FAM186B: variants seen among roughly 807,000 people sequenced by gnomAD.
The protein encoded by FAM186B is family with sequence similarity 186 member B, also known as protein FAM186B.
A neutral mutation model predicts 83.4 loss-of-function variants in FAM186B; 68 were observed. That is an observed-to-expected ratio of 0.81 (90% CI 0.67 to 1.00). The LOEUF is 1.00. Among genes scored for constraint, FAM186B ranks in the 50% least tolerant of loss-of-function variants. FAM186B has a pLI of 0.00. For missense variants in FAM186B, 983 were observed against 1,099.2 expected (o/e 0.89, Z 1.49); for synonymous variants, 389 against 422.0 (o/e 0.92, Z 0.96).
At chr12:49,584,434 T>C (rs370928199), downstream of FAM186B, 1,678 of 695,270 alleles carry the variant, frequency 2.4e-3, 23 homozygotes, top group South Asian at 0.012. Context: ...AAGTTCTCTG[T>C]GGGTTTCCGT....
At chr12:49,610,659 G>A in the FAM186B span, among the ~76,000 whole-genome samples, 5 of 151,954 alleles carry the variant, frequency 3.3e-5, no homozygotes, top group Non-Finnish European at 5.9e-5. Context: ...ACACGGTCGT[G>A]GGCGCCTGTA....
chr12:49,620,546 A>G, the FAM186B span, among the ~76,000 whole-genome samples: 2 of 152,200 alleles, frequency 1.3e-5, no homozygotes, highest in Admixed American at 6.5e-5. Flanking sequence ...TATAACTTGT[A>G]AAACCTCCCA....
At chr12:49,603,060 A>G (rs1276614323) in intron 3 of FAM186B, 125 bp downstream of exon 3, 4 of 1,032,362 alleles carry the variant, frequency 3.9e-6, no homozygotes, top group Non-Finnish European at 5.9e-6. Flanking sequence ...CTGCCCATCC[A>G]TCTCAAATCA....
rs565948864 is a variant in FAM186B at position 49,587,672 on chromosome 12, G to T, written c.2615C>A (p.Ala872Asp). The T allele has an allele frequency of 1.2e-6, 2 of 1,613,640 alleles. No individual in the cohort carries two copies. The highest frequency in any genetic ancestry group is 2.2e-5 in the South Asian group (2 of 91,084). ...SSYAIEKKTP[A>D]SLPRDQLRGH... Reference sequence around the variant, plus strand: ...CCTCAGCTGGTCCCGGGGAAGGCTGGCAGGGGTCTTTTTTTCTATTGCGTA... The same window carrying T: ...CCTCAGCTGGTCCCGGGGAAGGCTGTCAGGGGTCTTTTTTTCTATTGCGTA... The change falls in exon 7 of 7, where the codon GCC (alanine) becomes GAC (aspartate). Residue 872 changes from alanine to aspartate, a missense_variant. Ala to Asp is a moderately radical substitution (Grantham distance 126). Coordinates refer to ENST00000257894, the MANE Select transcript of FAM186B (RefSeq NM_032130.3).
upstream of FAM186B, among the ~76,000 whole-genome samples, chr12:49,607,514 G>T (rs1286246777): frequency 6.6e-6 from 1 of 151,860 alleles, no homozygotes; most frequent in African/African-American, 2.4e-5. Flanking sequence ...ATCTACTAAA[G>T]AAATTGGATT....
chr12:49,600,968 C>T lies in FAM186B; in HGVS notation c.672G>A (p.Met224Ile), dbSNP rs374090409. The T allele has an allele frequency of 5.6e-6, 9 of 1,614,110 alleles. No homozygotes were observed. Among genetic ancestry groups the T allele is most frequent in the Non-Finnish European group, 6.8e-6 (8 of 1,179,990 alleles). The change falls in exon 4 of 7, where the codon ATG becomes ATA. Residue 224 changes from methionine to isoleucine, a missense_variant. Coordinates refer to ENST00000257894, the MANE Select transcript of FAM186B (RefSeq NM_032130.3). The surrounding 1 kb of genome is among the most constrained non-coding windows in gnomAD (Gnocchi z 4.3). ...SMLQELLDST[M>I]FSKGEVRAIR... ...TGGCCCTGACCTCCCCCTTGCTGAA[C>T]ATGGTAGAGTCCAGGAGCTCCTGCA...
rs778057965 is a variant in FAM186B, at chr12:49,601,001, C to A, written c.639G>T (p.Thr213=). The A allele has an allele frequency of 2.0e-5, 32 of 1,614,172 alleles. No homozygotes were observed. The highest frequency in any genetic ancestry group is 2.6e-5 in the Non-Finnish European group (31 of 1,180,016). The change falls in exon 4 of 7, where the codon ACG becomes ACT. Residue 213 remains threonine (T), a synonymous_variant. Coordinates refer to ENST00000257894, the MANE Select transcript of FAM186B (RefSeq NM_032130.3). ...AGTCCAGGAGCTCCTGCAGCATGGACGTCACCTCCGAGGCCTTCGTGTTCA... is the reference window on the plus strand; with the variant it reads ...AGTCCAGGAGCTCCTGCAGCATGGAAGTCACCTCCGAGGCCTTCGTGTTCA... ...HTMNTKASEV[T]SMLQELLDST...
At chr12:49,599,231 GAGGAAAAGC>G (rs1939804769) in intron 4 of FAM186B, among the ~76,000 whole-genome samples, 1 of 152,046 alleles carries the variant, frequency 6.6e-6, no homozygotes, top group East Asian at 1.9e-4. Flanking sequence ...AAGTTGCTTA[GAGGAAAAGC>G]CCACTACAGG....
At position 49,600,566 on chromosome 12, in the gene FAM186B, T is replaced by C. The variant is rs1045758382; in HGVS notation, c.1074A>G (p.Gln358=). The change falls in exon 4 of 7, where the codon CAA becomes CAG. Residue 358 remains glutamine, a synonymous_variant. Coordinates refer to ENST00000257894, the MANE Select transcript of FAM186B (RefSeq NM_032130.3). This position sits in a 1 kb window ranked among gnomAD's most constrained non-coding sequence, Gnocchi z 4.3. ...PRKETVMEES[Q]QEPMKEEQLF... Reference sequence around the variant, plus strand: ...ACTGCTCCTCCTTCATCGGTTCCTGTTGGCTTTCCTCCATGACTGTTTCTT... The same window carrying C: ...ACTGCTCCTCCTTCATCGGTTCCTGCTGGCTTTCCTCCATGACTGTTTCTT... 2 of 1,613,544 alleles carry C rather than the reference T, an allele frequency of 1.2e-6. No individual in the cohort carries two copies. Among genetic ancestry groups the C allele is most frequent in the Non-Finnish European group, 1.7e-6 (2 of 1,179,756 alleles).
Position 49,598,824 on chromosome 12 carries a change from C to A in FAM186B, c.2295G>T (p.Thr765=). ...TCTCCTCCAGCCCCTTCTGCTTGTC[C>A]GTCCAGGCCTGCAGCCTGAGACTCT... is the stretch of plus-strand genomic sequence containing the variant. ...RLQSLRLQAW[T]DKQKGLEEKH... The change falls in exon 5 of 7, where the codon ACG becomes ACT. Residue 765 remains threonine (T), a synonymous_variant. Coordinates refer to ENST00000257894, the MANE Select transcript of FAM186B (RefSeq NM_032130.3). The A allele has an allele frequency of 6.2e-7, 1 of 1,613,082 alleles. No individual in the cohort carries two copies. Among genetic ancestry groups the A allele is most frequent in the Admixed American group, 1.7e-5 (1 of 59,892 alleles).
At chr12:49,594,375 G>C (rs1939662442) in intron 5 of FAM186B, 1 of 156,110 alleles carries the variant, frequency 6.4e-6, no homozygotes, top group African/African-American at 2.4e-5. Context: ...ATCCTTGGGG[G>C]ATACATTTCA....
upstream of FAM186B, among the ~76,000 whole-genome samples, chr12:49,609,890 C>T (rs543963677): frequency 8.5e-5 from 13 of 152,306 alleles, no homozygotes; most frequent in African/African-American, 2.6e-4. Context: ...CTGTGCATTC[C>T]ATGGATCAGC....
chr12:49,596,065 C>G (rs1939714824), intron 5 of FAM186B, among the ~76,000 whole-genome samples: 1 of 152,182 alleles, frequency 6.6e-6, no homozygotes, highest in African/African-American at 2.4e-5. Context: ...GGAATCCATT[C>G]TCACTGTGTT....
chr12:49,600,611 C>G lies in FAM186B; in HGVS notation c.1029G>C (p.Glu343Asp). 1.2e-6 allele frequency: 2 copies of G among 1,612,780 alleles called. No individual in the cohort carries two copies. The highest frequency in any genetic ancestry group is 1.7e-6 in the Non-Finnish European group (2 of 1,179,246). ...EVSVDSPGPS[E>D]RETLPRKETV... The stretch of plus-strand genomic sequence containing the variant: ...TTTCTTTCCTTGGGAGGGTCTCTCT[C>G]TCAGAGGGACCTGGGGAGTCAACAG... The change falls in exon 4 of 7, where the codon GAG (glutamate) becomes GAC (aspartate). Residue 343 changes from glutamate (E) to aspartate (D), a missense_variant. Physicochemically the swap from Glu to Asp is conservative, Grantham distance 45. Coordinates refer to ENST00000257894, the MANE Select transcript of FAM186B (RefSeq NM_032130.3). The surrounding 1 kb of genome is among the most constrained non-coding windows in gnomAD (Gnocchi z 4.3).
chr12:49,604,081 T>G, intron 2 of FAM186B: 1 of 538,944 alleles, frequency 1.9e-6, no homozygotes, highest in Non-Finnish European at 3.3e-6. Context: ...TGCACAAAAA[T>G]GAGATGTCAT....
intron 5 of FAM186B, 58 bp from the exon 6 acceptor site, chr12:49,588,681 G>A (rs567233121): frequency 2.7e-5 from 41 of 1,505,612 alleles, no homozygotes; most frequent in Admixed American, 1.2e-4. Flanking sequence ...TCTCTAGGTC[G>A]TGAGGAGGCT....
intron 5 of FAM186B, among the ~76,000 whole-genome samples, chr12:49,598,295 C>T (rs1282933570): frequency 1.3e-5 from 2 of 152,042 alleles, no homozygotes; most frequent in Admixed American, 1.3e-4. Flanking sequence ...TCTAGAAAGC[C>T]AAGGAGCTGA....
chr12:49,599,933 C>T lies in FAM186B; in HGVS notation c.1707G>A (p.Leu569=), dbSNP rs1390242208. The change falls in exon 4 of 7, where the codon TTG becomes TTA. Residue 569 remains leucine (L), a synonymous_variant. Transcript: ENST00000257894. ...IFTPTSRWRD[L]EKAELSLVPA... ...GCACTAATGATAGCTCTGCCTTCTC[C>T]AAGTCCCTCCATCGACTGGTGGGTG... 1 of 1,613,770 alleles carries T rather than the reference C, an allele frequency of 6.2e-7. No individual in the cohort carries two copies. Among genetic ancestry groups the T allele is most frequent in the African/African-American group, 1.3e-5 (1 of 74,912 alleles).
Position 49,605,159 on chromosome 12 carries a change from G to A in FAM186B, c.96+223C>T, listed in dbSNP as rs1939984643. On this transcript the variant is annotated intron_variant, in intron 1 of 6. Coordinates refer to ENST00000257894, the MANE Select transcript of FAM186B (RefSeq NM_032130.3). ...TCCTCGAGCTTCCTGCCCCCTTCCC[G>A]GGCCCCAGCCCTGCCTCAGGCGGGT... The A allele has an allele frequency of 1.5e-5, 20 of 1,365,892 alleles. 1 individual carries two copies. The South Asian group carries it at 1.7e-4, about 11-fold the overall frequency. 84.6% of individuals were successfully genotyped at this position (1,365,892 alleles called of 1,614,324 possible).
Sources: gnomAD v4.1 joint callset for allele counts (sites outside exome capture counted in the v4.1 genomes callset) on GRCh38, gnomAD v4.1.1 for gene constraint, Gnocchi (gnomAD v3.1) non-coding constraint, MANE v1.5 for transcripts, NCBI Gene and HGNC (gene_info 2026-07-23, HGNC 2026-07-21) for gene names.